Variants in ARMH3 observed in about 807,000 individuals in gnomAD.
The protein encoded by ARMH3 is armadillo like helical domain containing 3.
Under a neutral mutation model 99.1 loss-of-function variants are expected in ARMH3, and 60 were observed. That is an observed-to-expected ratio of 0.61 (90% CI 0.49 to 0.75). The LOEUF (loss-of-function observed/expected upper bound fraction) is 0.75. ARMH3 is among the 30% of genes least tolerant of loss of function. The pLI is 0.00. For missense variants in ARMH3, 679 were observed against 843.1 expected, an observed-to-expected ratio of 0.81 and a Z score of 2.41; for synonymous variants, 285 against 292.8, an observed-to-expected ratio of 0.97 and a Z score of 0.27.
chr10:101,954,731 T>C (rs953534070), intron 22 of ARMH3, among the ~76,000 whole-genome samples: 1 of 152,206 alleles, frequency 6.6e-6, no homozygotes, highest in Non-Finnish European at 1.5e-5. Context: ...TTTTTCAGCA[T>C]AAGTTTATAC....
intron 24 of ARMH3, among the ~76,000 whole-genome samples, chr10:101,868,600 C>G: frequency 6.6e-6 from 1 of 152,168 alleles, no homozygotes; most frequent in East Asian, 1.9e-4. Flanking sequence ...CCTCAGCCTA[C>G]TCAACATGAA....
chr10:101,939,981 T>C, intron 22 of ARMH3, 43 bp from the exon 23 acceptor site: 1 of 1,540,702 alleles, frequency 6.5e-7, no homozygotes. Context: ...ACCCCCGGCA[T>C]AAAACACAAA....
chr10:101,974,468 A>T (rs1460063597), intron 20 of ARMH3, among the ~76,000 whole-genome samples: 1 of 152,220 alleles, frequency 6.6e-6, no homozygotes, highest in Non-Finnish European at 1.5e-5. Flanking sequence ...CACAGGACCT[A>T]GTAGCAAGCA....
intron 1 of ARMH3, among the ~76,000 whole-genome samples, chr10:102,041,343 C>T (rs923814648): frequency 6.6e-6 from 1 of 151,636 alleles, no homozygotes; most frequent in Non-Finnish European, 1.5e-5. Flanking sequence ...CCTTTAAATC[C>T]TACGCTCTAG....
intron 1 of ARMH3, among the ~76,000 whole-genome samples, chr10:102,055,182 G>A (rs962375415): frequency 6.6e-6 from 1 of 151,858 alleles, no homozygotes; most frequent in African/African-American, 2.4e-5. Context: ...TTAGCTGGGC[G>A]TGGTAGCGCA....
At chr10:102,022,997 T>C (rs2066920582) in intron 8 of ARMH3, among the ~76,000 whole-genome samples, 1 of 151,964 alleles carries the variant, frequency 6.6e-6, no homozygotes, top group South Asian at 2.1e-4. Flanking sequence ...GAGACCAGCC[T>C]GACCAACATG....
At chr10:102,000,802 G>T (rs1401238918) in intron 15 of ARMH3, among the ~76,000 whole-genome samples, 1 of 151,488 alleles carries the variant, frequency 6.6e-6, no homozygotes. Flanking sequence ...TTCTAGAGAT[G>T]GATGGTGATG....
intron 23 of ARMH3, among the ~76,000 whole-genome samples, chr10:101,930,062 T>G (rs994677427): frequency 6.6e-6 from 1 of 152,180 alleles, no homozygotes; most frequent in Admixed American, 6.5e-5. Context: ...TTTTCAGATC[T>G]GAGATGCTCA....
intron 7 of ARMH3, 41 bp downstream of exon 7, chr10:102,023,634 A>G: frequency 1.9e-6 from 3 of 1,609,834 alleles, no homozygotes; most frequent in Non-Finnish European, 2.6e-6. Flanking sequence ...AAATTTGAAG[A>G]GGTGGTTTAC....
At chr10:101,874,127 C>T (rs1422499024) in intron 24 of ARMH3, among the ~76,000 whole-genome samples, 4 of 152,040 alleles carry the variant, frequency 2.6e-5, no homozygotes, top group South Asian at 2.1e-4. Flanking sequence ...TCATATCAGC[C>T]GTTGTCTATG....
In ARMH3 at chr10:101,962,524, G is replaced by A. The variant is rs576326386; in HGVS notation, c.1496-4792C>T. Among the ~76,000 whole-genome samples the A allele has an allele frequency of 9.2e-5, 14 of 152,146 alleles. No homozygotes were observed. The South Asian group carries it at 2.5e-3, about 27-fold the overall frequency. On this transcript the variant is annotated intron_variant, in intron 20 of 25. Transcript: ENST00000370033. ...AGAAATACCATGGTCATAAATGGCA[G>A]GAAAGGTAACACTTATTAGGTGCTT...
intron 24 of ARMH3, among the ~76,000 whole-genome samples, chr10:101,853,019 G>A (rs2066641182): frequency 6.6e-6 from 1 of 151,240 alleles, no homozygotes; most frequent in Non-Finnish European, 1.5e-5. Flanking sequence ...GAGTAGCTGG[G>A]ATTACAGGCG....
chr10:101,913,448 C>T (rs1050819379), intron 23 of ARMH3, among the ~76,000 whole-genome samples: 2 of 150,744 alleles, frequency 1.3e-5, no homozygotes, highest in African/African-American at 4.9e-5. Context: ...TCGCTGCAGC[C>T]TCAACCTCCC....
chr10:102,014,923 C>A (rs2066712450), intron 8 of ARMH3, among the ~76,000 whole-genome samples: 1 of 152,272 alleles, frequency 6.6e-6, no homozygotes, highest in South Asian at 2.1e-4. Context: ...AGTTCTCAGA[C>A]TGGCAGTTTC....
chr10:101,970,426 A>G (rs1845715363), intron 20 of ARMH3, among the ~76,000 whole-genome samples: 1 of 152,200 alleles, frequency 6.6e-6, no homozygotes, highest in Non-Finnish European at 1.5e-5. Context: ...CAAACACAAC[A>G]TTGTGCTGCT....
chr10:101,881,365 G>C (rs1375454873), intron 24 of ARMH3, among the ~76,000 whole-genome samples: 1 of 152,154 alleles, frequency 6.6e-6, no homozygotes, highest in Non-Finnish European at 1.5e-5. Context: ...TTCAAGATAA[G>C]TGTGCCCACT....
chr10:102,031,066 G>T (rs976756946), intron 4 of ARMH3, among the ~76,000 whole-genome samples: 7 of 152,146 alleles, frequency 4.6e-5, no homozygotes, highest in African/African-American at 1.7e-4. Flanking sequence ...TTACAGGCGT[G>T]AGCCACCACG....
intron 23 of ARMH3, among the ~76,000 whole-genome samples, chr10:101,906,912 CA>C (rs1842655564): frequency 1.3e-5 from 2 of 152,248 alleles, no homozygotes; most frequent in South Asian, 4.2e-4. Context: ...CAGTTAACAC[CA>C]GTTTCTCTAT....
intron 5 of ARMH3, among the ~76,000 whole-genome samples, chr10:102,028,440 C>T (rs965367064): frequency 6.6e-6 from 1 of 152,254 alleles, no homozygotes; most frequent in African/African-American, 2.4e-5. Context: ...TATACATGAA[C>T]ATTCATAGCA....
Sources: gnomAD v4.1 joint callset for allele counts (sites outside exome capture counted in the v4.1 genomes callset) on GRCh38, gnomAD v4.1.1 for gene constraint, MANE v1.5 for transcripts, NCBI Gene and HGNC (gene_info 2026-07-23, HGNC 2026-07-21) for gene names.